Variants in STAB1 observed in about 807,000 individuals in gnomAD.
The protein encoded by STAB1 is stabilin 1.
STAB1 carries 250 observed loss-of-function variants against 332.4 expected under a neutral mutation model. The ratio of observed to expected loss-of-function variants is 0.75; its 90% confidence interval spans 0.68 to 0.84. The LOEUF (loss-of-function observed/expected upper bound fraction) is 0.84, where lower values mean the gene tolerates loss of function less well. Among genes scored for constraint, STAB1 ranks in the 40% least tolerant of loss-of-function variants. STAB1 has a pLI of 0.00. For missense variants in STAB1, 3,249 were observed against 3,489.7 expected (o/e 0.93, Z 1.74); for synonymous variants, 1,475 against 1,390.4 (o/e 1.06, Z -1.35).
chr3:52,504,208 T>C, intron 10 of STAB1, 53 bp downstream of exon 10: 1 of 1,550,390 alleles, frequency 6.4e-7, no homozygotes, highest in South Asian at 1.2e-5. Context: ...CCAGCACAGT[T>C]GGCAGGGAGG....
At chr3:52,519,112 G>T in intron 48 of STAB1, 152 bp from the exon 49 acceptor site, 1 of 797,186 alleles carries the variant, frequency 1.3e-6, no homozygotes, top group East Asian at 2.8e-5. Flanking sequence ...CCCTGACTCC[G>T]CCCCAGACCC....
Position 52,516,592 on chromosome 3 carries a change from G to A in STAB1, c.4286+5G>A. The A allele has an allele frequency of 6.2e-7, 1 of 1,612,972 alleles. No homozygotes were observed. The highest frequency in any genetic ancestry group is 1.3e-5 in the African/African-American group (1 of 75,044). On this transcript the variant is annotated splice_donor_5th_base_variant and intron_variant, in intron 40 of 68. Coordinates refer to ENST00000321725, the MANE Select transcript of STAB1 (RefSeq NM_015136.3). ...GAAGTGCGACCCCAATGCCAAGTGAGTGGGCCCAGCCTGGGGCGGGTGGGT... is the reference window on the plus strand; with the variant it reads ...GAAGTGCGACCCCAATGCCAAGTGAATGGGCCCAGCCTGGGGCGGGTGGGT...
At position 52,505,107 on chromosome 3, in the gene STAB1, G is replaced by A. The variant is rs745762102; in HGVS notation, c.1482G>A (p.Arg494=). Residue 494 remains arginine (R), a synonymous_variant, in exon 13 of 69, where the codon CGG becomes CGA. Coordinates refer to ENST00000321725, the MANE Select transcript of STAB1 (RefSeq NM_015136.3). ...NGVFHVVTGL[R]WQAPSGTPGD... Reference sequence around the variant, plus strand: ...TCTTCCACGTGGTCACTGGCCTGCGGTGGCAGGCCCCCTCTGGGACCCCTG... The same window carrying A: ...TCTTCCACGTGGTCACTGGCCTGCGATGGCAGGCCCCCTCTGGGACCCCTG... The A allele has an allele frequency of 2.5e-6, 4 of 1,613,484 alleles. No homozygotes were observed. Among genetic ancestry groups the A allele is most frequent in the Non-Finnish European group, 2.5e-6 (3 of 1,179,974 alleles).
chr3:52,504,282 T>TG (rs1421542820), intron 10 of STAB1, 127 bp downstream of exon 10: 45 of 1,474,648 alleles, frequency 3.1e-5, no homozygotes, highest in African/African-American at 1.1e-4. Context: ...CAGGTGGCTG[T>TG]GGGGGGTGCA....
intron 26 of STAB1, 141 bp from the exon 27 acceptor site, chr3:52,512,200 T>G (rs1350286923): frequency 1.3e-6 from 1 of 796,060 alleles, no homozygotes; most frequent in Non-Finnish European, 2.1e-6. Flanking sequence ...ACCGAAGGAG[T>G]GCCACCAACA....
At chr3:52,505,640 C>G (rs761423233) in intron 14 of STAB1, 28 bp from the exon 15 acceptor site, 1 of 1,607,266 alleles carries the variant, frequency 6.2e-7, no homozygotes, top group South Asian at 1.1e-5. Flanking sequence ...GCCATGCAAC[C>G]CCCTGAGCCT....
At chr3:52,496,847 A>G (rs1708064225) in intron 1 of STAB1, among the ~76,000 whole-genome samples, 1 of 152,160 alleles carries the variant, frequency 6.6e-6, no homozygotes, top group Non-Finnish European at 1.5e-5. Flanking sequence ...TGGCCACTCT[A>G]ACACAGCTAC....
At position 52,524,322 on chromosome 3, in the gene STAB1, TC is replaced by T; in HGVS notation, c.7682del (p.Pro2561LeufsTer39). ...PFDDSLLEED[F>X]PDTQRILTVK ...TAGGACTCACTGCTGGAGGAGGACTTCCCTGACACCCAGAGGATCCTCACAG... is the reference window on the plus strand; with the variant it reads ...TAGGACTCACTGCTGGAGGAGGACTTCCTGACACCCAGAGGATCCTCACAG... On this transcript the variant is annotated frameshift_variant, in exon 69 of 69. Coordinates refer to ENST00000321725, the MANE Select transcript of STAB1 (RefSeq NM_015136.3). LOFTEE classifies it high-confidence loss of function. The T allele has an allele frequency of 6.2e-7, 1 of 1,613,844 alleles. No individual in the cohort carries two copies. Among genetic ancestry groups the T allele is most frequent in the South Asian group, 1.1e-5 (1 of 91,076 alleles).
chr3:52,518,874 G>A lies in STAB1; in HGVS notation c.5034+5G>A, dbSNP rs1383534576. On this transcript the variant is annotated splice_donor_5th_base_variant and intron_variant, in intron 48 of 68. Coordinates refer to ENST00000321725, the MANE Select transcript of STAB1 (RefSeq NM_015136.3). ...CTGCGCTTCAGCGAGAGGGAGGTGA[G>A]CCCTGGCCCTGGCCTGCCCCGCTCC... The A allele has an allele frequency of 1.9e-6, 3 of 1,546,172 alleles. No homozygotes were observed. The highest frequency in any genetic ancestry group is 2.6e-6 in the Non-Finnish European group (3 of 1,150,292).
In STAB1 at chr3:52,520,047, C is replaced by A. The variant is rs772521818; in HGVS notation, c.5339C>A (p.Ala1780Asp). The A allele has an allele frequency of 1.9e-6, 3 of 1,612,652 alleles. No homozygotes were observed. The highest frequency in any genetic ancestry group is 2.5e-6 in the Non-Finnish European group (3 of 1,179,902). ...AFRALPPDRQ[A>D]WLYHEDHRDK... ...CGAGCTCTGCCTCCGGATCGCCAGG[C>A]CTGGCTGTACCATGAGGACCACCGT... Residue 1780 changes from alanine to aspartate, a missense_variant, in exon 51 of 69, where the codon GCC (alanine) becomes GAC (aspartate). Ala to Asp is a moderately radical substitution (Grantham distance 126). Coordinates refer to ENST00000321725, the MANE Select transcript of STAB1 (RefSeq NM_015136.3).
chr3:52,518,898 C>T, intron 48 of STAB1, 29 bp downstream of exon 48: 2 of 1,461,948 alleles, frequency 1.4e-6, no homozygotes, highest in African/African-American at 1.4e-5. Context: ...CTGCCCCGCT[C>T]CATCCCGCCC....
At position 52,523,074 on chromosome 3, in the gene STAB1, G is replaced by A. The variant is rs151130412; in HGVS notation, c.6960G>A (p.Thr2320=). Residue 2320 remains threonine (T), a synonymous_variant, in exon 63 of 69, where the codon ACG becomes ACA. Coordinates refer to ENST00000321725, the MANE Select transcript of STAB1 (RefSeq NM_015136.3). ...RNGFVGDGIS[T]CNGKLLDVLA... is the part of the protein sequence containing the mutation. ...GCTTCGTGGGTGACGGGATCAGCAC[G>A]TGCAATGGGAAGCTGCTGGATGTGC... 195 of 1,571,064 alleles carry A rather than the reference G, an allele frequency of 1.2e-4. No homozygotes were observed. The highest frequency in any genetic ancestry group is 5.2e-4 in the Admixed American group (30 of 57,788).
At chr3:52,510,550 G>A (rs766780805) in intron 25 of STAB1, 43 bp downstream of exon 25, 2 of 1,588,626 alleles carry the variant, frequency 1.3e-6, no homozygotes, top group South Asian at 1.2e-5. Context: ...GGTTCTGGGG[G>A]ACTCTCTCCC....
At position 52,505,030 on chromosome 3, in the gene STAB1, C is replaced by A. The variant is rs776817394; in HGVS notation, c.1405C>A (p.Pro469Thr). Residue 469 changes from proline (P) to threonine (T), a missense_variant, in exon 13 of 69, where the codon CCC becomes ACC. Transcript: ENST00000321725. ...TKYSYKYKDQ[P>T]QQTFNIYKAN... ...ATACTCCTACAAGTACAAAGACCAG[C>A]CCCAGCAGACGTTCAACATCTACAA... 6 of 1,613,696 alleles carry A rather than the reference C, an allele frequency of 3.7e-6. No individual in the cohort carries two copies. The highest frequency in any genetic ancestry group is 1.1e-5 in the South Asian group (1 of 91,086).
chr3:52,520,430 C>A lies in STAB1; in HGVS notation c.5530C>A (p.Arg1844Ser). ...GCTCATGGTGGGTGAGGATGATGCT[C>A]GCATTGTGCAGCGGCACTTGCCCTT... is the stretch of plus-strand genomic sequence containing the variant. ...GELMVGEDDA[R>S]IVQRHLPFEG... The change falls in exon 53 of 69, where the codon CGC becomes AGC. Residue 1844 changes from arginine to serine, a missense_variant. Transcript: ENST00000321725. 2 of 1,612,524 alleles carry A rather than the reference C, an allele frequency of 1.2e-6. No individual in the cohort carries two copies. The highest frequency in any genetic ancestry group is 1.7e-6 in the Non-Finnish European group (2 of 1,179,600).
chr3:52,513,015 C>T (rs929606515), intron 29 of STAB1, 57 bp downstream of exon 29: 1 of 1,580,040 alleles, frequency 6.3e-7, no homozygotes, highest in African/African-American at 1.4e-5. Context: ...CCAGTCCCTC[C>T]CCAGCGAGTC....
intron 55 of STAB1, 124 bp from the exon 56 acceptor site, chr3:52,521,237 G>A (rs2079061697): frequency 5.7e-6 from 8 of 1,397,182 alleles, no homozygotes; most frequent in Non-Finnish European, 7.8e-6. Flanking sequence ...CATGGGCCTG[G>A]AGGGATCTTA....
chr3:52,517,448 G>C lies in STAB1; in HGVS notation c.4563+55G>C, dbSNP rs543562027. 4 of 1,574,124 alleles carry C rather than the reference G, an allele frequency of 2.5e-6. No individual in the cohort carries two copies. The African/African-American group carries it at 4.1e-5, about 16-fold the overall frequency. On this transcript the variant is annotated intron_variant, in intron 43 of 68. Coordinates refer to ENST00000321725, the MANE Select transcript of STAB1 (RefSeq NM_015136.3). ...TCATGCCATGCCCTCACAGGATGGG[G>C]CCTCCCTTCAGGGCAGGCCCGGGGA...
chr3:52,516,558 G>A lies in STAB1; in HGVS notation c.4257G>A (p.Gln1419=), dbSNP rs1331193850. ...GCCCCCCAGAAATCACCAGCCCTCA[G>A]TGCCCTAGGAAGTGCGACCCCAATG... ...LRCDQKITSP[Q]CPRKCDPNAN... The change falls in exon 40 of 69, where the codon CAG becomes CAA. Residue 1419 remains glutamine (Q), a synonymous_variant. Coordinates refer to ENST00000321725, the MANE Select transcript of STAB1 (RefSeq NM_015136.3). The A allele has an allele frequency of 6.2e-7, 1 of 1,613,230 alleles. No homozygotes were observed. The highest frequency in any genetic ancestry group is 8.5e-7 in the Non-Finnish European group (1 of 1,179,988).
Sources: gnomAD v4.1 joint callset for allele counts (sites outside exome capture counted in the v4.1 genomes callset) on GRCh38, gnomAD v4.1.1 for gene constraint, MANE v1.5 for transcripts, NCBI Gene and HGNC (gene_info 2026-07-23, HGNC 2026-07-21) for gene names.